The following ZKSCAN2 variants were observed in gnomAD, a reference collection of about 807,000 sequenced individuals.
ZKSCAN2 encodes the protein zinc finger with KRAB and SCAN domains 2, also known as zinc finger protein with KRAB and SCAN domains 2.
A neutral mutation model predicts 90.5 loss-of-function variants in ZKSCAN2; 38 were observed. That is an observed-to-expected ratio of 0.42 (90% CI 0.32 to 0.55). ZKSCAN2 has a LOEUF of 0.55. Among genes scored for constraint, ZKSCAN2 ranks in the 20% least tolerant of loss-of-function variants. The pLI is 0.11. For synonymous variants in ZKSCAN2, 429 were observed against 421.6 expected, an observed-to-expected ratio of 1.02 and a Z score of -0.22; for missense variants, 1,167 against 1,202.6, an observed-to-expected ratio of 0.97 and a Z score of 0.44.
At chr16:25,253,822 AC>A (rs1391259997) in intron 2 of ZKSCAN2, among the ~76,000 whole-genome samples, 2 of 152,172 alleles carry the variant, frequency 1.3e-5, no homozygotes, top group African/African-American at 4.8e-5. Context: ...AGCCTGGTCA[AC>A]ATGGTGAAAC....
intron 3 of ZKSCAN2, 98 bp from the exon 4 acceptor site, chr16:25,252,133 G>A: frequency 2.2e-6 from 3 of 1,371,824 alleles, no homozygotes; most frequent in Non-Finnish European, 3.0e-6. Flanking sequence ...CTAAAGAACT[G>A]AAATCAAGGA....
chr16:25,243,941 T>C lies in ZKSCAN2; in HGVS notation c.1825A>G (p.Ile609Val), dbSNP rs1006674837. 2 of 1,614,042 alleles carry C rather than the reference T, an allele frequency of 1.2e-6. No homozygotes were observed. Among genetic ancestry groups the C allele is most frequent in the African/African-American group, 2.7e-5 (2 of 74,922 alleles). The change falls in exon 6 of 7, where the codon ATT (isoleucine) becomes GTT (valine). Residue 609 changes from isoleucine (I) to valine (V), a missense_variant. By Grantham distance (29) the Ile-to-Val change is conservative. Coordinates refer to ENST00000328086, the MANE Select transcript of ZKSCAN2 (RefSeq NM_001012981.5). The part of the protein sequence containing the change: ...PSPSRQERGG[I>V]EVEPQEPTGW... ...GTAGGTTCCTGGGGTTCAACCTCAA[T>C]ACCCCCTCTTTCTTGCCTTGAAGGT...
rs749484150 is a variant in ZKSCAN2, at chr16:25,243,779, C to T, written c.1981+6G>A. On this transcript the variant is annotated splice_donor_region_variant and intron_variant, in intron 6 of 6. Transcript: ENST00000328086. Reference sequence around the variant, plus strand: ...TGGACTAAAACTCCTTGGTTTTGCACCTTACCATTTGGGCTCTGCAGTAGA... The same window carrying T: ...TGGACTAAAACTCCTTGGTTTTGCATCTTACCATTTGGGCTCTGCAGTAGA... The T allele has an allele frequency of 6.2e-7, 1 of 1,600,904 alleles. No individual in the cohort carries two copies. Among genetic ancestry groups the T allele is most frequent in the Non-Finnish European group, 8.5e-7 (1 of 1,174,732 alleles).
rs61746607 is a variant in ZKSCAN2, at chr16:25,244,098, G to A, written c.1668C>T (p.Ser556=). Reference sequence around the variant, plus strand: ...TCACCTTGCGGTAACTCTTCTGAAGGCTTTTGAACTTGGTTCGGCACTGTT... The same window carrying A: ...TCACCTTGCGGTAACTCTTCTGAAGACTTTTGAACTTGGTTCGGCACTGTT... The part of the protein sequence containing the change: ...TPEQCRTKFK[S]LQKSYRKVKN... Residue 556 remains serine, a synonymous_variant, in exon 6 of 7, where the codon AGC becomes AGT. Coordinates refer to ENST00000328086, the MANE Select transcript of ZKSCAN2 (RefSeq NM_001012981.5). 272 of 1,614,174 alleles carry A rather than the reference G, an allele frequency of 1.7e-4. No individual in the cohort carries two copies. Among genetic ancestry groups the A allele is most frequent in the Non-Finnish European group, 2.2e-4 (256 of 1,180,038 alleles).
chr16:25,245,358 T>G (rs1244918539), intron 5 of ZKSCAN2, among the ~76,000 whole-genome samples: 5 of 152,162 alleles, frequency 3.3e-5, no homozygotes, highest in African/African-American at 1.2e-4. Flanking sequence ...CCCATCTCAG[T>G]CTCCTAAAGT....
rs1423971678 is a variant in ZKSCAN2, at chr16:25,255,317, G to A, written c.475C>T (p.Gln159Ter). The change falls in exon 2 of 7, where the codon CAG becomes TAG. Residue 159 changes from glutamine to a stop codon, truncating the protein, a stop_gained. Coordinates refer to ENST00000328086, the MANE Select transcript of ZKSCAN2 (RefSeq NM_001012981.5). LOFTEE classifies it high-confidence loss of function. Reference sequence around the variant, plus strand: ...ACCGCCCTGGGTTGGGTCTCCACCTGCTCTGGCTGGAAGTCTGCCACCTCC... The same window carrying A: ...ACCGCCCTGGGTTGGGTCTCCACCTACTCTGGCTGGAAGTCTGCCACCTCC... ...AWEVADFQPEQVETQPRAVSR... is the reference protein window; with the variant it reads ...AWEVADFQPE 6.2e-7 allele frequency: 1 copy of A among 1,613,806 alleles called. No homozygotes were observed.
Position 25,257,542 on chromosome 16 carries a change from G to A in ZKSCAN2, c.-415C>T, listed in dbSNP as rs1459892651. On this transcript the variant is annotated 5_prime_UTR_variant, in exon 1 of 7. Transcript: ENST00000328086. ...GGCGCGGAGAGGCGAGTCCCCGAGTGGGTGGGGCCGGATGTGCAGGCCCCG... is the reference window on the plus strand; with the variant it reads ...GGCGCGGAGAGGCGAGTCCCCGAGTAGGTGGGGCCGGATGTGCAGGCCCCG... 1 of 985,326 alleles carries A rather than the reference G, an allele frequency of 1.0e-6. No individual in the cohort carries two copies. Among genetic ancestry groups the A allele is most frequent in the Admixed American group, 6.1e-5 (1 of 16,326 alleles). The allele number at this position is 985,326 out of a possible 1,614,324, so 61.0% of individuals were successfully genotyped here. A position where few individuals can be genotyped will look rare whatever the true frequency, so the allele number is the denominator to read the frequency against.
At chr16:25,250,748 C>CAT (rs1963009382) in intron 4 of ZKSCAN2, among the ~76,000 whole-genome samples, 1 of 152,068 alleles carries the variant, frequency 6.6e-6, no homozygotes, top group African/African-American at 2.4e-5. Flanking sequence ...ATTTTATTTG[C>CAT]ATATATATAC....
In ZKSCAN2 at chr16:25,240,524, TA is replaced by T; in HGVS notation, c.2195del (p.Leu732Ter). The T allele has an allele frequency of 6.2e-7, 1 of 1,614,214 alleles. No homozygotes were observed. Among genetic ancestry groups the T allele is most frequent in the South Asian group, 1.1e-5 (1 of 91,080 alleles). On this transcript the variant is annotated frameshift_variant, in exon 7 of 7. Transcript: ENST00000328086. LOFTEE classifies it high-confidence loss of function. ...QGKPMSQPRD[L>X]GKAVVHQRPF... Reference sequence around the variant, plus strand: ...GCCTCTGATGCACAACGGCTTTCCCTAAATCTCTAGGCTGAGACATCGGCTT... The same window carrying T: ...GCCTCTGATGCACAACGGCTTTCCCTAATCTCTAGGCTGAGACATCGGCTT...
In ZKSCAN2 at chr16:25,252,970, G is replaced by A. The variant is rs1387246584; in HGVS notation, c.654C>T (p.Thr218=). ...CCTGGGACCCAGCAGGAAGCCGTGTGGTTGTCACTTCCTGATCTAGGGTAT... is the reference window on the plus strand; with the variant it reads ...CCTGGGACCCAGCAGGAAGCCGTGTAGTTGTCACTTCCTGATCTAGGGTAT... ...EWNTLDQEVT[T]TRLPAGSQEP... is the part of the protein sequence containing the mutation. Residue 218 remains threonine, a synonymous_variant, in exon 3 of 7, where the codon ACC becomes ACT. Coordinates refer to ENST00000328086, the MANE Select transcript of ZKSCAN2 (RefSeq NM_001012981.5). 2 of 1,613,862 alleles carry A rather than the reference G, an allele frequency of 1.2e-6. No homozygotes were observed. Among genetic ancestry groups the A allele is most frequent in the African/African-American group, 2.7e-5 (2 of 75,022 alleles).
At chr16:25,246,614 G>T in intron 5 of ZKSCAN2, 93 bp downstream of exon 5, 2 of 1,325,596 alleles carry the variant, frequency 1.5e-6, no homozygotes, top group Non-Finnish European at 2.1e-6. Flanking sequence ...GTGTGTGACA[G>T]CACCCCCCGG....
At chr16:25,251,573 CTTACT>C (rs1437084867) in intron 4 of ZKSCAN2, among the ~76,000 whole-genome samples, 1 of 152,158 alleles carries the variant, frequency 6.6e-6, no homozygotes. Context: ...AGCTACATTG[CTTACT>C]TTACTTTGAC....
chr16:25,252,940 A>G lies in ZKSCAN2; in HGVS notation c.678+6T>C, dbSNP rs1567354194. The stretch of plus-strand genomic sequence containing the variant: ...CTCAAAGAAAAAAAAGACAATTACA[A>G]TGTACCTGGGACCCAGCAGGAAGCC... On this transcript the variant is annotated splice_donor_region_variant and intron_variant, in intron 3 of 6. Coordinates refer to ENST00000328086, the MANE Select transcript of ZKSCAN2 (RefSeq NM_001012981.5). 6.2e-7 allele frequency: 1 copy of G among 1,609,822 alleles called. No homozygotes were observed. The highest frequency in any genetic ancestry group is 8.5e-7 in the Non-Finnish European group (1 of 1,176,388).
chr16:25,236,736 G>C lies in ZKSCAN2; in HGVS notation c.*3080C>G, dbSNP rs773483734. 15 of 152,164 alleles carry C rather than the reference G, an allele frequency of 9.9e-5. No homozygotes were observed. The highest frequency in any genetic ancestry group is 2.2e-4 in the Non-Finnish European group (15 of 68,036). The allele number at this position is 152,164 out of a possible 1,614,324, so 9.4% of individuals were successfully genotyped here. A position where few individuals can be genotyped will look rare whatever the true frequency, so the allele number is the denominator to read the frequency against. ...TGTTTCTTTCCAGATGAATGAATTA[G>C]GTTGAATGCATAATAACATCACTGG... On this transcript the variant is annotated 3_prime_UTR_variant, in exon 7 of 7. Coordinates refer to ENST00000328086, the MANE Select transcript of ZKSCAN2 (RefSeq NM_001012981.5).
chr16:25,256,873 A>T lies in ZKSCAN2; in HGVS notation c.255T>A (p.Leu85=). 1 of 1,613,916 alleles carries T rather than the reference A, an allele frequency of 6.2e-7. No individual in the cohort carries two copies. Among genetic ancestry groups the T allele is most frequent in the Non-Finnish European group, 8.5e-7 (1 of 1,179,778 alleles). Reference sequence around the variant, plus strand: ...GAAACTGCTCAATCACCAGCAGCTCAAGTATTTGCTCCTTGGAACGCATTT... The same window carrying T: ...GAAACTGCTCAATCACCAGCAGCTCTAGTATTTGCTCCTTGGAACGCATTT... ...KPEMRSKEQI[L]ELLVIEQFLT... Residue 85 remains leucine (L), a synonymous_variant, in exon 1 of 7, where the codon CTT becomes CTA. Coordinates refer to ENST00000328086, the MANE Select transcript of ZKSCAN2 (RefSeq NM_001012981.5).
At chr16:25,243,759 T>TAAAACTCCTTGATTTTGCACC in intron 6 of ZKSCAN2, 26 bp downstream of exon 6, 1 of 1,558,624 alleles carries the variant, frequency 6.4e-7, no homozygotes, top group Non-Finnish European at 8.6e-7. Context: ...TCTTTTGGAC[T>TAAAACTCCTTGATTTTGCACC]AAAACTCCTT....
intron 5 of ZKSCAN2, chr16:25,246,372 CAATT>C (rs1488131251): frequency 1.1e-5 from 3 of 284,098 alleles, no homozygotes; most frequent in East Asian, 1.3e-4. Context: ...TAATGCAATA[CAATT>C]GATTGCTTTA....
intron 4 of ZKSCAN2, among the ~76,000 whole-genome samples, chr16:25,249,654 A>G (rs1477218999): frequency 1.3e-5 from 2 of 152,154 alleles, no homozygotes; most frequent in Non-Finnish European, 2.9e-5. Context: ...ATCACATTGT[A>G]CCCCATAAAT....
intron 4 of ZKSCAN2, among the ~76,000 whole-genome samples, chr16:25,249,677 T>TAAATTGTGTAAATTGTGTAA (rs1232486212): frequency 1.3e-5 from 2 of 152,180 alleles, no homozygotes; most frequent in Non-Finnish European, 1.5e-5. Flanking sequence ...ACACAATTAT[T>TAAATTGTGTAAATTGTGTAA]ATCTGTCAAT....
Sources: gnomAD v4.1 joint callset for allele counts (sites outside exome capture counted in the v4.1 genomes callset) on GRCh38, gnomAD v4.1.1 for gene constraint, MANE v1.5 for transcripts, NCBI Gene and HGNC (gene_info 2026-07-23, HGNC 2026-07-21) for gene names.